Variants in ANKS1A observed in about 807,000 individuals in gnomAD.
The protein encoded by ANKS1A is ankyrin repeat and sterile alpha motif domain containing 1A.
A neutral mutation model predicts 120.3 loss-of-function variants in ANKS1A; 55 were observed. The observed-to-expected ratio is 0.46, with a 90% CI of 0.37 to 0.57. The LOEUF is 0.57. Ranked by LOEUF, ANKS1A falls within the 20% of genes least tolerant of loss-of-function variation. The pLI, the probability that ANKS1A is intolerant of heterozygous loss-of-function variation, is 0.00. For synonymous variants in ANKS1A, 590 were observed against 604.7 expected (o/e 0.98, Z 0.36); for missense variants, 1,123 against 1,480.3 (o/e 0.76, Z 3.96).
At chr6:34,924,545 A>G (rs1423706752) in intron 1 of ANKS1A, among the ~76,000 whole-genome samples, 1 of 152,156 alleles carries the variant, frequency 6.6e-6, no homozygotes, top group Non-Finnish European at 1.5e-5. Flanking sequence ...TGGTTTGGCA[A>G]CCATTGGCAC....
At chr6:34,956,847 T>C (rs886965532) in intron 1 of ANKS1A, among the ~76,000 whole-genome samples, 2 of 152,202 alleles carry the variant, frequency 1.3e-5, no homozygotes, top group African/African-American at 4.8e-5. Context: ...CCCTCTCCTG[T>C]GCAGGTAGAG....
intron 13 of ANKS1A, among the ~76,000 whole-genome samples, chr6:35,064,457 C>A (rs1473008009): frequency 6.6e-6 from 1 of 152,212 alleles, no homozygotes; most frequent in East Asian, 1.9e-4. Context: ...GTGGTGCCAG[C>A]TTGTTCCTAC....
intron 11 of ANKS1A, among the ~76,000 whole-genome samples, chr6:35,027,998 C>G (rs1392716776): frequency 6.6e-6 from 1 of 152,180 alleles, no homozygotes; most frequent in Non-Finnish European, 1.5e-5. Flanking sequence ...TTTGCCTGGA[C>G]AGGTGGAAAA....
At chr6:34,974,075 C>G (rs1423357298) in intron 3 of ANKS1A, among the ~76,000 whole-genome samples, 1 of 29,400 alleles carries the variant, frequency 3.4e-5, no homozygotes. Context: ...TTCCATTCCC[C>G]TTCCATTCCC....
rs1349078263 is a variant in ANKS1A at position 35,082,950 on chromosome 6, T to C, written c.2835+134T>C. On this transcript the variant is annotated intron_variant, in intron 18 of 23. Coordinates refer to ENST00000360359, the MANE Select transcript of ANKS1A (RefSeq NM_015245.3). The surrounding 1 kb of genome is among the most constrained non-coding windows in gnomAD (Gnocchi z 4.1). ...TGAGCTGTTCTCCACTCTCAGCCAC[T>C]CTTGACAGCTAAGGCGAAGGGGTGG... 6 of 1,434,238 alleles carry C rather than the reference T, an allele frequency of 4.2e-6. No homozygotes were observed. The Admixed American group carries it at 9.4e-5, about 22-fold the overall frequency. The allele number at this position is 1,434,238 out of a possible 1,614,324, so 88.8% of individuals were successfully genotyped here.
intron 11 of ANKS1A, among the ~76,000 whole-genome samples, chr6:35,029,489 C>T (rs979847500): frequency 4.0e-5 from 6 of 151,354 alleles, no homozygotes; most frequent in Non-Finnish European, 8.8e-5. Flanking sequence ...GCTGGGATTA[C>T]AGGCACCTGC....
At chr6:34,920,569 A>G (rs934105597) in intron 1 of ANKS1A, among the ~76,000 whole-genome samples, 4 of 152,114 alleles carry the variant, frequency 2.6e-5, no homozygotes, top group Admixed American at 1.3e-4. Flanking sequence ...GTTTGGAATG[A>G]AGAATGCTAT....
rs955144690 is a variant in ANKS1A, at chr6:34,967,427, C to T, written c.278+108C>T. The stretch of plus-strand genomic sequence containing the variant: ...TGCTGGCTGAGCTTAGTGGCTCATG[C>T]CTGTAATCCCAGCACTTTGGGAGGC... On this transcript the variant is annotated intron_variant, in intron 2 of 23. Coordinates refer to ENST00000360359, the MANE Select transcript of ANKS1A (RefSeq NM_015245.3). The T allele has an allele frequency of 3.8e-6, 4 of 1,052,506 alleles. No individual in the cohort carries two copies. The African/African-American group carries it at 4.7e-5, about 12-fold the overall frequency. 65.2% of individuals were successfully genotyped at this position (1,052,506 alleles called of 1,614,324 possible).
chr6:34,917,267 T>A (rs1011509518), intron 1 of ANKS1A, among the ~76,000 whole-genome samples: 1 of 152,210 alleles, frequency 6.6e-6, no homozygotes, highest in Non-Finnish European at 1.5e-5. Flanking sequence ...AAGGACTGAC[T>A]ACCAGTGGAG....
At chr6:34,994,538 G>T in intron 10 of ANKS1A, 116 bp downstream of exon 10, 1 of 1,441,600 alleles carries the variant, frequency 6.9e-7, no homozygotes, top group South Asian at 1.3e-5. Context: ...GTGGTGGTTG[G>T]GTTTCACGAT....
At chr6:35,043,156 T>A (rs899802908) in intron 11 of ANKS1A, among the ~76,000 whole-genome samples, 3 of 152,176 alleles carry the variant, frequency 2.0e-5, no homozygotes, top group African/African-American at 7.2e-5. Flanking sequence ...GCTTGAGAAC[T>A]GGGTGGGCTA....
At chr6:34,913,192 C>A (rs998239975) in intron 1 of ANKS1A, among the ~76,000 whole-genome samples, 2 of 152,130 alleles carry the variant, frequency 1.3e-5, no homozygotes, top group Non-Finnish European at 2.9e-5. Context: ...TGTTCATGTA[C>A]CCCCCAATAT....
chr6:35,091,413 A>G, downstream of ANKS1A: 2 of 985,430 alleles, frequency 2.0e-6, no homozygotes, highest in Non-Finnish European at 2.4e-6. Flanking sequence ...CGCAGCCTTA[A>G]TTCTTCTGAG....
chr6:34,937,766 A>G (rs1374146704), intron 1 of ANKS1A, among the ~76,000 whole-genome samples: 2 of 152,210 alleles, frequency 1.3e-5, no homozygotes, highest in Admixed American at 6.5e-5. Context: ...AGATTGAAGG[A>G]TGCCACCGAA....
In ANKS1A at chr6:35,082,674, T is replaced by G; in HGVS notation, c.2710-17T>G. 1 of 1,602,172 alleles carries G rather than the reference T, an allele frequency of 6.2e-7. No homozygotes were observed. The highest frequency in any genetic ancestry group is 8.5e-7 in the Non-Finnish European group (1 of 1,173,978). On this transcript the variant is annotated splice_polypyrimidine_tract_variant and intron_variant, in intron 17 of 23. Transcript: ENST00000360359. The surrounding 1 kb of genome is among the most constrained non-coding windows in gnomAD (Gnocchi z 4.1). ...TCTGGAGCAAGGAGCAGGTGTCCAA[T>G]TGCGTGTGTTTCGCAGGAGGAGCAC... is the stretch of plus-strand genomic sequence containing the variant.
intron 8 of ANKS1A, among the ~76,000 whole-genome samples, chr6:34,989,016 G>A (rs1194997158): frequency 6.6e-6 from 1 of 152,154 alleles, no homozygotes; most frequent in Non-Finnish European, 1.5e-5. Flanking sequence ...CTCTGCTACA[G>A]ACATCAAAAA....
chr6:35,059,099 CTGAATT>C (rs1401232644), intron 12 of ANKS1A, among the ~76,000 whole-genome samples: 14 of 152,214 alleles, frequency 9.2e-5, no homozygotes. Context: ...TACCCAAGAA[CTGAATT>C]TGCCTGCCTG....
chr6:34,948,203 A>T (rs1489216599), intron 1 of ANKS1A, among the ~76,000 whole-genome samples: 1 of 151,018 alleles, frequency 6.6e-6, no homozygotes, highest in Non-Finnish European at 1.5e-5. Context: ...AGCCATTTTC[A>T]GTAATAGAAG....
At chr6:34,944,803 G>C (rs907530603) in intron 1 of ANKS1A, among the ~76,000 whole-genome samples, 1 of 152,184 alleles carries the variant, frequency 6.6e-6, no homozygotes, top group African/African-American at 2.4e-5. Context: ...TCAAGGGTCA[G>C]CTGTATTTTG....
Sources: allele counts gnomAD v4.1 joint callset (sites outside exome capture counted in the v4.1 genomes callset), GRCh38; gene constraint gnomAD v4.1.1; non-coding constraint Gnocchi (gnomAD v3.1); transcripts MANE v1.5; gene names NCBI Gene and HGNC (gene_info 2026-07-23, HGNC 2026-07-21).